Variants in NTM observed in about 807,000 individuals in gnomAD.
The protein encoded by NTM is neurotrimin.
In NTM, 13 loss-of-function variants were observed where a neutral mutation model predicts 42.1. The ratio of observed to expected loss-of-function variants is 0.31; its 90% confidence interval spans 0.20 to 0.49. The LOEUF (loss-of-function observed/expected upper bound fraction) is 0.49. Among genes scored for constraint, NTM ranks in the 20% least tolerant of loss-of-function variants. The pLI is 0.99. For synonymous variants in NTM, 187 were observed against 179.2 expected, an observed-to-expected ratio of 1.04 and a Z score of -0.35; for missense variants, 373 against 452.8, an observed-to-expected ratio of 0.82 and a Z score of 1.60.
intron 1 of NTM, among the ~76,000 whole-genome samples, chr11:131,479,985 T>C (rs1026009714): frequency 4.6e-5 from 7 of 152,192 alleles, no homozygotes; most frequent in Non-Finnish European, 8.8e-5. Flanking sequence ...GATTTTTCCT[T>C]TGGCCTGTGG....
At chr11:131,658,307 T>C (rs1332883204) in intron 1 of NTM, among the ~76,000 whole-genome samples, 1 of 152,222 alleles carries the variant, frequency 6.6e-6, no homozygotes, top group Non-Finnish European at 1.5e-5. Flanking sequence ...TAAGGGCCTG[T>C]AATTTGTTTT....
intron 4 of NTM, among the ~76,000 whole-genome samples, chr11:132,301,791 G>T (rs1354420125): frequency 5.3e-5 from 8 of 152,238 alleles, no homozygotes; most frequent in African/African-American, 1.4e-4. Context: ...CTCCAATTCT[G>T]GGATTCTATG....
chr11:131,438,498 C>G (rs990136608), intron 1 of NTM, among the ~76,000 whole-genome samples: 2 of 152,176 alleles, frequency 1.3e-5, no homozygotes, highest in South Asian at 2.1e-4. Context: ...TCTTTTTTCT[C>G]TAAACTTTGC....
intron 2 of NTM, among the ~76,000 whole-genome samples, chr11:132,036,194 C>T (rs952248255): frequency 6.6e-6 from 1 of 152,052 alleles, no homozygotes; most frequent in Non-Finnish European, 1.5e-5. Flanking sequence ...AGGACAGAAA[C>T]GAGTTGGGAT....
At chr11:131,875,965 G>A (rs1411141993) in intron 1 of NTM, among the ~76,000 whole-genome samples, 1 of 152,256 alleles carries the variant, frequency 6.6e-6, no homozygotes, top group African/African-American at 2.4e-5. Flanking sequence ...GAGGGGCCCA[G>A]TGCAAGGGAG....
At position 131,651,702 on chromosome 11, in the gene NTM, A is replaced by G. The variant is rs535161572; in HGVS notation, c.83-259862A>G. On this transcript the variant is annotated intron_variant, in intron 1 of 8. Coordinates refer to ENST00000683400, the MANE Select transcript of NTM (RefSeq NM_001352005.2). ...CTAAAAATACAAAAATTAGCTGGGC[A>G]TGGTGGCCCACTCCTGTACTCCCAG... is the stretch of plus-strand genomic sequence containing the variant. Among the ~76,000 whole-genome samples the G allele has an allele frequency of 5.9e-5, 9 of 152,242 alleles. No individual in the cohort carries two copies. In the South Asian group the frequency reaches 1.9e-3, roughly 32 times the overall value.
chr11:132,318,473 CCA>C (rs2095486088), intron 7 of NTM, among the ~76,000 whole-genome samples: 1 of 152,316 alleles, frequency 6.6e-6, no homozygotes, highest in East Asian at 1.9e-4. Context: ...AGCCCCTTCT[CCA>C]CAGTCCCTTT....
At chr11:131,960,401 A>G (rs763861045) in intron 2 of NTM, among the ~76,000 whole-genome samples, 14 of 152,170 alleles carry the variant, frequency 9.2e-5, no homozygotes, top group Non-Finnish European at 1.8e-4. Flanking sequence ...CTGTATATCC[A>G]TGTCACCGGC....
intron 3 of NTM, among the ~76,000 whole-genome samples, chr11:132,199,688 T>A (rs924925124): frequency 7.9e-5 from 12 of 151,952 alleles, no homozygotes; most frequent in African/African-American, 2.9e-4. Flanking sequence ...GAAAGAAGAG[T>A]TATTGTCAAA....
At chr11:132,049,188 A>C (rs924779314) in intron 2 of NTM, among the ~76,000 whole-genome samples, 5 of 152,164 alleles carry the variant, frequency 3.3e-5, no homozygotes, top group African/African-American at 1.2e-4. Context: ...ATCTGACAAA[A>C]GTGAGACGGA....
intron 1 of NTM, among the ~76,000 whole-genome samples, chr11:131,408,680 G>C (rs10894386): frequency 0.55 from 83,193 of 151,994 alleles, 23,753 homozygotes; most frequent in Non-Finnish European, 0.62. Flanking sequence ...CTTGTCCAAA[G>C]CTCCAGGATT....
chr11:131,546,206 T>C (rs1036534077), intron 1 of NTM, among the ~76,000 whole-genome samples: 5 of 152,198 alleles, frequency 3.3e-5, no homozygotes, highest in Non-Finnish European at 7.3e-5. Context: ...GAAGCTTTGT[T>C]TCCTATCCCT....
intron 1 of NTM, among the ~76,000 whole-genome samples, chr11:131,875,032 G>A (rs764411867): frequency 6.6e-6 from 1 of 152,232 alleles, no homozygotes; most frequent in Non-Finnish European, 1.5e-5. Flanking sequence ...GGCAAGAATA[G>A]AGACTTAAGC....
intron 2 of NTM, among the ~76,000 whole-genome samples, chr11:132,110,496 TG>T (rs2063017294): frequency 6.6e-6 from 1 of 152,252 alleles, no homozygotes; most frequent in Non-Finnish European, 1.5e-5. Context: ...CCCTGTGGCA[TG>T]GGGCTTAATG....
intron 2 of NTM, among the ~76,000 whole-genome samples, chr11:132,045,050 C>A (rs563947930): frequency 4.1e-4 from 63 of 152,242 alleles, no homozygotes; most frequent in African/African-American, 1.5e-3. Flanking sequence ...TAGCCTGATA[C>A]CAAAATCTGG....
intron 1 of NTM, among the ~76,000 whole-genome samples, chr11:131,543,871 C>T (rs2053597286): frequency 6.6e-6 from 1 of 152,188 alleles, no homozygotes; most frequent in African/African-American, 2.4e-5. Context: ...CAAGTTTGCT[C>T]ATTCTAATTA....
At chr11:132,044,128 A>ATG (rs1566016210) in intron 2 of NTM, among the ~76,000 whole-genome samples, 7,591 of 99,946 alleles carry the variant, frequency 0.076, 314 homozygotes, top group Non-Finnish European at 0.1. Context: ...GTGTGTGTAT[A>ATG]TATGTGTGTG....
chr11:132,315,035 CCGAGATAGGAGAAAA>C (rs2095391347), intron 7 of NTM: 1 of 1,090,794 alleles, frequency 9.2e-7, no homozygotes, highest in Non-Finnish European at 1.1e-6. Flanking sequence ...GGAAAAGATC[CCGAGATAGGAGAAAA>C]ATACTTTGGA....
intron 4 of NTM, among the ~76,000 whole-genome samples, chr11:132,249,979 ATTTC>A (rs1316793360): frequency 6.6e-6 from 1 of 152,056 alleles, no homozygotes; most frequent in Non-Finnish European, 1.5e-5. Context: ...CTTTCTGTTT[ATTTC>A]TTCCTGCATC....
Sources: allele counts gnomAD v4.1 joint callset (sites outside exome capture counted in the v4.1 genomes callset), GRCh38; gene constraint gnomAD v4.1.1; transcripts MANE v1.5; gene names NCBI Gene and HGNC (gene_info 2026-07-23, HGNC 2026-07-21).